MAPKAPK5: variants seen among roughly 807,000 people sequenced by gnomAD.
MAPKAPK5 encodes the protein MAPK activated protein kinase 5.
In MAPKAPK5, 30 loss-of-function variants were observed where a neutral mutation model predicts 65.1. That is an observed-to-expected ratio of 0.46 (90% CI 0.34 to 0.63). The LOEUF is 0.63. Ranked by LOEUF, MAPKAPK5 falls within the 20% of genes least tolerant of loss-of-function variation. The pLI, the probability that MAPKAPK5 is intolerant of heterozygous loss-of-function variation, is 0.01. For missense variants in MAPKAPK5, 433 were observed against 581.4 expected (o/e 0.74, Z 2.63); for synonymous variants, 179 against 204.6 (o/e 0.87, Z 1.07).
intron 12 of MAPKAPK5, 78 bp from the exon 13 acceptor site, chr12:111,889,962 C>T (rs912087686): frequency 2.2e-5 from 19 of 863,862 alleles, no homozygotes; most frequent in African/African-American, 2.2e-4. Flanking sequence ...AGTTGGACAT[C>T]ACGTCCCTCC....
intron 8 of MAPKAPK5, among the ~76,000 whole-genome samples, chr12:111,881,671 G>A (rs1422792328): frequency 6.6e-6 from 1 of 152,154 alleles, no homozygotes; most frequent in Admixed American, 6.5e-5. Flanking sequence ...CTCACAAAGA[G>A]CTGGGATTAC....
chr12:111,870,626 C>T (rs998925503), intron 6 of MAPKAPK5, among the ~76,000 whole-genome samples: 1 of 152,120 alleles, frequency 6.6e-6, no homozygotes, highest in African/African-American at 2.4e-5. Context: ...TGGGAAGGGG[C>T]AGGAATCTGT....
intron 12 of MAPKAPK5, 112 bp downstream of exon 12, chr12:111,889,112 C>G (rs2070515093): frequency 8.3e-7 from 1 of 1,205,644 alleles, no homozygotes; most frequent in African/African-American, 1.5e-5. Flanking sequence ...TTTGGGTTGT[C>G]TGTTTCATCT....
intron 3 of MAPKAPK5, among the ~76,000 whole-genome samples, chr12:111,866,681 C>G (rs555730694): frequency 6.6e-6 from 1 of 152,260 alleles, no homozygotes; most frequent in Admixed American, 6.5e-5. Context: ...GCAATCTCGG[C>G]TTACGGCAAC....
chr12:111,848,158 A>T (rs1227765824), intron 1 of MAPKAPK5, among the ~76,000 whole-genome samples: 1 of 152,232 alleles, frequency 6.6e-6, no homozygotes, highest in East Asian at 1.9e-4. Flanking sequence ...GAAACCACCG[A>T]ACTGTTTTCC....
At position 111,901,042 on chromosome 12, in the gene MAPKAPK5, T is replaced by C. The variant is rs183446114; in HGVS notation, c.*7981T>C. On this transcript the variant is annotated 3_prime_UTR_variant, in exon 14 of 14. Coordinates refer to ENST00000550735, the MANE Select transcript of MAPKAPK5 (RefSeq NM_003668.4). The stretch of plus-strand genomic sequence containing the variant: ...GGTAATATATTTTGTGGGAAACTTA[T>C]ATGTTCAGGTATTACAGGCTTACCA... 4.4e-5 allele frequency: 20 copies of C among 456,082 alleles called. No individual in the cohort carries two copies. Among genetic ancestry groups the C allele is most frequent in the Admixed American group, 1.2e-4 (5 of 42,572 alleles). 28.3% of individuals were successfully genotyped at this position (456,082 alleles called of 1,614,324 possible).
At chr12:111,870,844 C>A (rs920235813) in intron 6 of MAPKAPK5, among the ~76,000 whole-genome samples, 2 of 152,114 alleles carry the variant, frequency 1.3e-5, no homozygotes, top group African/African-American at 4.8e-5. Context: ...GCTGCCCTTA[C>A]AAGTTCTAAA....
intron 1 of MAPKAPK5, among the ~76,000 whole-genome samples, chr12:111,855,664 T>C (rs2069209681): frequency 6.6e-6 from 1 of 151,626 alleles, no homozygotes; most frequent in Non-Finnish European, 1.5e-5. Flanking sequence ...CCATCTCTAC[T>C]AAAATTACAA....
At chr12:111,876,406 C>T (rs1427991406) in intron 7 of MAPKAPK5, among the ~76,000 whole-genome samples, 1 of 151,740 alleles carries the variant, frequency 6.6e-6, no homozygotes, top group East Asian at 1.9e-4. Flanking sequence ...GAAGACACTG[C>T]AGTTCACCTA....
chr12:111,877,277 C>G (rs2136127943), intron 7 of MAPKAPK5, among the ~76,000 whole-genome samples: 1 of 137,488 alleles, frequency 7.3e-6, no homozygotes, highest in South Asian at 2.3e-4. Flanking sequence ...CCTTGACCTC[C>G]CAAAGTGCTG....
In MAPKAPK5 at chr12:111,895,187, C is replaced by T. The variant is rs2070758921; in HGVS notation, c.*2126C>T. 1 of 149,200 alleles carries T rather than the reference C, an allele frequency of 6.7e-6. No individual in the cohort carries two copies. 9.2% of individuals were successfully genotyped at this position (149,200 alleles called of 1,614,324 possible). The stretch of plus-strand genomic sequence containing the variant: ...TCTTGGCTCACTGCAAGCTCTGCCT[C>T]CCAGGTTCACACCATTCTCCTACCT... On this transcript the variant is annotated 3_prime_UTR_variant, in exon 14 of 14. Coordinates refer to ENST00000550735, the MANE Select transcript of MAPKAPK5 (RefSeq NM_003668.4).
intron 13 of MAPKAPK5, among the ~76,000 whole-genome samples, chr12:111,891,343 C>T (rs1255883217): frequency 6.6e-6 from 1 of 150,902 alleles, no homozygotes; most frequent in Non-Finnish European, 1.5e-5. Context: ...CTCAAGTGAT[C>T]CACCCACCTT....
chr12:111,885,780 C>T, intron 9 of MAPKAPK5, 136 bp from the exon 10 acceptor site: 1 of 1,063,798 alleles, frequency 9.4e-7, no homozygotes, highest in Non-Finnish European at 1.3e-6. Flanking sequence ...AGAATCCCAT[C>T]TGTGCTCTGC....
At chr12:111,882,294 C>T (rs189281703) in intron 8 of MAPKAPK5, among the ~76,000 whole-genome samples, 4 of 152,312 alleles carry the variant, frequency 2.6e-5, no homozygotes, top group Admixed American at 2.6e-4. Context: ...GCATGAGAAT[C>T]GCTTGAACCC....
intron 3 of MAPKAPK5, 92 bp from the exon 4 acceptor site, chr12:111,867,480 T>C (rs376709670): frequency 2.6e-5 from 21 of 805,514 alleles, no homozygotes; most frequent in Middle Eastern, 4.7e-4. Flanking sequence ...AAAGTTTTTA[T>C]TGTAATTAGC....
At chr12:111,843,160 T>G in intron 1 of MAPKAPK5, 1 of 398,640 alleles carries the variant, frequency 2.5e-6, no homozygotes. Context: ...AATTTATCCA[T>G]CCCTCCCGAT....
intron 7 of MAPKAPK5, chr12:111,879,936 G>A: frequency 5.9e-6 from 1 of 169,476 alleles, no homozygotes; most frequent in East Asian, 1.5e-4. Context: ...GACTTTTCAA[G>A]GAACAGTGTG....
intron 1 of MAPKAPK5, among the ~76,000 whole-genome samples, chr12:111,861,509 G>A (rs1337688478): frequency 6.6e-6 from 1 of 151,908 alleles, no homozygotes; most frequent in Admixed American, 6.6e-5. Context: ...TTTATTTTTA[G>A]TAGAGATGGG....
At chr12:111,842,876 C>A in intron 1 of MAPKAPK5, 107 bp downstream of exon 1, 2 of 1,114,696 alleles carry the variant, frequency 1.8e-6, no homozygotes, top group Non-Finnish European at 2.3e-6. Context: ...CATCGACTAC[C>A]GGGTTTCGGC....
Sources: allele counts gnomAD v4.1 joint callset (sites outside exome capture counted in the v4.1 genomes callset), GRCh38; gene constraint gnomAD v4.1.1; transcripts MANE v1.5; gene names NCBI Gene and HGNC (gene_info 2026-07-23, HGNC 2026-07-21).